Variants in AURKA observed in about 807,000 individuals in gnomAD.
AURKA encodes aurora kinase A, also known as aurora 2.
Under a neutral mutation model 40.9 loss-of-function variants are expected in AURKA, and 12 were observed. That is an observed-to-expected ratio of 0.29 (90% CI 0.19 to 0.48). The LOEUF (loss-of-function observed/expected upper bound fraction) is 0.48, where lower values mean the gene tolerates loss of function less well. AURKA is among the 20% of genes least tolerant of loss of function. The pLI is 0.99. For synonymous variants in AURKA, 170 were observed against 164.3 expected (o/e 1.03, Z -0.26); for missense variants, 322 against 462.1 (o/e 0.70, Z 2.78).
At chr20:56,383,284 C>A in intron 4 of AURKA, 108 bp from the exon 5 acceptor site, 1 of 1,173,944 alleles carries the variant, frequency 8.5e-7, no homozygotes, top group Non-Finnish European at 1.2e-6. Flanking sequence ...TCCAACTTCA[C>A]TCAATATGCA....
At chr20:56,383,407 G>A (rs1286134600) in intron 4 of AURKA, among the ~76,000 whole-genome samples, 1 of 152,172 alleles carries the variant, frequency 6.6e-6, no homozygotes, top group Non-Finnish European at 1.5e-5. Flanking sequence ...GCAGTCTCGG[G>A]TTTTAGACCT....
At chr20:56,378,909 AT>A (rs896555298) in intron 6 of AURKA, among the ~76,000 whole-genome samples, 8 of 151,084 alleles carry the variant, frequency 5.3e-5, no homozygotes, top group East Asian at 3.9e-4. Flanking sequence ...GAGACACAGG[AT>A]TTTTTTTTTC....
intron 7 of AURKA, among the ~76,000 whole-genome samples, chr20:56,371,623 A>G (rs1390224852): frequency 6.6e-6 from 1 of 151,580 alleles, no homozygotes; most frequent in African/African-American, 2.4e-5. Context: ...CCACAGAGAC[A>G]ATCCAACCAC....
intron 3 of AURKA, among the ~76,000 whole-genome samples, chr20:56,385,619 G>A (rs892769596): frequency 1.1e-4 from 16 of 152,026 alleles, no homozygotes; most frequent in South Asian, 4.2e-4. Flanking sequence ...GCACCACCAC[G>A]CCTGGCTAAT....
At chr20:56,381,917 G>A (rs1265815165) in intron 5 of AURKA, among the ~76,000 whole-genome samples, 1 of 152,152 alleles carries the variant, frequency 6.6e-6, no homozygotes, top group Non-Finnish European at 1.5e-5. Flanking sequence ...TGTAATCCCA[G>A]CACTTTGGGA....
At chr20:56,380,360 GAAAAAAA>G in intron 6 of AURKA, among the ~76,000 whole-genome samples, 1 of 119,988 alleles carries the variant, frequency 8.3e-6, no homozygotes, top group South Asian at 2.6e-4. Context: ...GTCTCAAAAA[GAAAAAAA>G]AAAAAAAAGA....
intron 1 of AURKA, chr20:56,390,471 C>G (rs769069414): frequency 6.6e-6 from 1 of 152,160 alleles, no homozygotes; most frequent in African/African-American, 2.4e-5. Context: ...CCACGCCCAG[C>G]TGATTTTGTA....
In AURKA at chr20:56,370,167, T is replaced by C. The variant is rs1275154797; in HGVS notation, c.1203A>G (p.Lys401=). Residue 401 remains lysine, a synonymous_variant, in exon 9 of 9, where the codon AAA becomes AAG. Coordinates refer to ENST00000395915, the MANE Select transcript of AURKA (RefSeq NM_198437.3). ...SNCQNKESAS[K]QS ...TCCCCCTGCACGATTCCTAAGACTGTTTGCTAGCTGATTCTTTGTTTTGGC... is the reference window on the plus strand; with the variant it reads ...TCCCCCTGCACGATTCCTAAGACTGCTTGCTAGCTGATTCTTTGTTTTGGC... 6.2e-7 allele frequency: 1 copy of C among 1,612,492 alleles called. No individual in the cohort carries two copies. Among genetic ancestry groups the C allele is most frequent in the Non-Finnish European group, 8.5e-7 (1 of 1,179,994 alleles).
At chr20:56,389,078 T>C (rs1279567472) in intron 1 of AURKA, among the ~76,000 whole-genome samples, 1 of 152,170 alleles carries the variant, frequency 6.6e-6, no homozygotes, top group Non-Finnish European at 1.5e-5. Context: ...ACAAGGTTGA[T>C]CACATCTTAC....
chr20:56,379,391 T>G (rs1228468547), intron 6 of AURKA, among the ~76,000 whole-genome samples: 1 of 152,186 alleles, frequency 6.6e-6, no homozygotes, highest in African/African-American at 2.4e-5. Context: ...TGGATTCAAG[T>G]TGAAGACATC....
At chr20:56,379,812 A>C (rs908233117) in intron 6 of AURKA, among the ~76,000 whole-genome samples, 20 of 151,896 alleles carry the variant, frequency 1.3e-4, no homozygotes, top group African/African-American at 4.6e-4. Flanking sequence ...AAATACAAAA[A>C]TGAGCCGGGT....
intron 1 of AURKA, among the ~76,000 whole-genome samples, chr20:56,391,705 T>C (rs1482673843): frequency 6.6e-6 from 1 of 152,118 alleles, no homozygotes; most frequent in Non-Finnish European, 1.5e-5. Context: ...TCTTAGGCTA[T>C]TCTATCTAAA....
At chr20:56,387,012 G>A (rs907295728) in intron 2 of AURKA, among the ~76,000 whole-genome samples, 4 of 151,846 alleles carry the variant, frequency 2.6e-5, no homozygotes, top group South Asian at 4.2e-4. Context: ...TTCATATATC[G>A]AAGATTTTCC....
At chr20:56,371,704 G>C (rs1477867249) in intron 7 of AURKA, among the ~76,000 whole-genome samples, 2 of 151,440 alleles carry the variant, frequency 1.3e-5, no homozygotes, top group African/African-American at 4.9e-5. Context: ...CCAATACAAA[G>C]CATGGGCTTT....
chr20:56,391,080 T>C (rs1341601349), intron 1 of AURKA, among the ~76,000 whole-genome samples: 2 of 152,204 alleles, frequency 1.3e-5, no homozygotes, highest in East Asian at 3.8e-4. Context: ...TGCAACCAGA[T>C]TGAAGAACCA....
chr20:56,384,793 A>G (rs1293403798), intron 3 of AURKA, among the ~76,000 whole-genome samples: 1 of 152,212 alleles, frequency 6.6e-6, no homozygotes, highest in Non-Finnish European at 1.5e-5. Flanking sequence ...ATTAGCTGCC[A>G]AGGGGAAATA....
At chr20:56,379,191 A>T (rs1175210755) in intron 6 of AURKA, among the ~76,000 whole-genome samples, 3 of 152,208 alleles carry the variant, frequency 2.0e-5, no homozygotes, top group African/African-American at 7.2e-5. Flanking sequence ...AGGCCAAAGG[A>T]AGTGCACATA....
At chr20:56,377,504 C>A (rs1372549478) in intron 6 of AURKA, among the ~76,000 whole-genome samples, 1 of 151,976 alleles carries the variant, frequency 6.6e-6, no homozygotes, top group Non-Finnish European at 1.5e-5. Flanking sequence ...AAAAGATGTT[C>A]AAGGCCGGGC....
chr20:56,384,879 T>A (rs1214088889), intron 3 of AURKA, among the ~76,000 whole-genome samples: 5 of 152,162 alleles, frequency 3.3e-5, no homozygotes, highest in Admixed American at 2.0e-4. Flanking sequence ...AACTATTTCA[T>A]CAGCCACAAG....
Sources: gnomAD v4.1 joint callset for allele counts (sites outside exome capture counted in the v4.1 genomes callset) on GRCh38, gnomAD v4.1.1 for gene constraint, MANE v1.5 for transcripts, NCBI Gene and HGNC (gene_info 2026-07-23, HGNC 2026-07-21) for gene names.